The following MYO9B variants were observed in gnomAD, a reference collection of about 807,000 sequenced individuals.
The protein encoded by MYO9B is myosin IXB, also known as unconventional myosin-IXb.
A neutral mutation model predicts 229.5 loss-of-function variants in MYO9B; 71 were observed. The ratio of observed to expected loss-of-function variants is 0.31; its 90% confidence interval spans 0.26 to 0.38. The LOEUF (loss-of-function observed/expected upper bound fraction) is 0.38, where lower values mean the gene tolerates loss of function less well. MYO9B is among the 10% of genes least tolerant of loss of function. MYO9B has a pLI of 1.00. For synonymous variants in MYO9B, 1,185 were observed against 1,235.8 expected, an observed-to-expected ratio of 0.96 and a Z score of 0.86; for missense variants, 2,255 against 2,920.5, an observed-to-expected ratio of 0.77 and a Z score of 5.25.
At position 17,090,118 on chromosome 19, in the gene MYO9B, C is replaced by CTTTTTTTTTTTTTTT. The variant is rs59440394; in HGVS notation, c.-58-11513_-58-11499dup. On this transcript the variant is annotated intron_variant, in intron 1 of 39. Transcript: ENST00000682292. ...TATAGCATGAATCGGTGCTTCCTTC[C>CTTTTTTTTTTTTTTT]TTTTTTTTTTTTTTTTTTTTTTTTT... Among the ~76,000 whole-genome samples the CTTTTTTTTTTTTTTT allele has an allele frequency of 1.4e-4, 7 of 49,236 alleles. 1 individual carries two copies. The East Asian group carries it at 1.9e-3, about 13-fold the overall frequency. The allele number at this position is 49,236 out of a possible 152,430, so 32.3% of individuals were successfully genotyped here.
At chr19:17,141,725 A>G (rs1474091022) in intron 2 of MYO9B, among the ~76,000 whole-genome samples, 1 of 152,210 alleles carries the variant, frequency 6.6e-6, no homozygotes, top group African/African-American at 2.4e-5. Flanking sequence ...GGGGCACCCC[A>G]GGAATCTGGA....
intron 33 of MYO9B, 72 bp downstream of exon 33, chr19:17,206,448 A>G: frequency 1.3e-6 from 2 of 1,556,472 alleles, no homozygotes; most frequent in Non-Finnish European, 1.7e-6. Context: ...TGACCAGCCC[A>G]GGAGGCAGGA....
At chr19:17,144,831 G>C (rs1346070613) in intron 2 of MYO9B, among the ~76,000 whole-genome samples, 1 of 151,740 alleles carries the variant, frequency 6.6e-6, no homozygotes, top group Admixed American at 6.6e-5. Context: ...TTGGCCAGGC[G>C]TGGCAGCGTG....
intron 26 of MYO9B, 72 bp downstream of exon 26, chr19:17,200,901 T>C: frequency 3.3e-6 from 5 of 1,511,490 alleles, no homozygotes; most frequent in Non-Finnish European, 4.5e-6. Flanking sequence ...CAGGCATTGT[T>C]TTCTGAAACA....
intron 1 of MYO9B, among the ~76,000 whole-genome samples, chr19:17,094,924 C>T (rs1349432532): frequency 6.6e-6 from 1 of 151,918 alleles, no homozygotes; most frequent in African/African-American, 2.4e-5. Flanking sequence ...GCCTGGGCAA[C>T]AGAATGAGAT....
At chr19:17,162,204 C>G (rs1282335332) in intron 8 of MYO9B, 146 bp from the exon 9 acceptor site, 2 of 624,442 alleles carry the variant, frequency 3.2e-6, no homozygotes, top group East Asian at 6.0e-5. Context: ...ACTTGGGAGG[C>G]TGAGACAGGA....
At chr19:17,198,371 C>T in intron 24 of MYO9B, 63 bp downstream of exon 24, 4 of 1,599,278 alleles carry the variant, frequency 2.5e-6, no homozygotes, top group Non-Finnish European at 3.4e-6. Flanking sequence ...CTGCCAGGGC[C>T]TCGCAGCAGT....
At chr19:17,196,480 C>T (rs748306532) in intron 22 of MYO9B, among the ~76,000 whole-genome samples, 6 of 151,878 alleles carry the variant, frequency 4.0e-5, no homozygotes, top group East Asian at 1.9e-4. Context: ...GAGAGGAGTT[C>T]GAGACCAGCC....
chr19:17,167,471 CTAT>C (rs2072671995), intron 10 of MYO9B, among the ~76,000 whole-genome samples: 1 of 132,552 alleles, frequency 7.5e-6, no homozygotes, highest in Non-Finnish European at 1.5e-5. Flanking sequence ...ATTATTAGAG[CTAT>C]TTTTTTTTTT....
intron 3 of MYO9B, among the ~76,000 whole-genome samples, chr19:17,148,166 G>A (rs1208228104): frequency 6.6e-6 from 1 of 152,094 alleles, no homozygotes; most frequent in Non-Finnish European, 1.5e-5. Context: ...AAGCATTCAG[G>A]GTACCTTGTT....
rs560703688 is a variant in MYO9B at position 17,159,175 on chromosome 19, T to C, written c.1330-220T>C. 1.2e-4 allele frequency among the ~76,000 whole-genome samples: 16 copies of C among 136,430 alleles called. No homozygotes were observed. In the East Asian group the frequency reaches 3.2e-3, roughly 27 times the overall value. 89.5% of individuals were successfully genotyped at this position (136,430 alleles called of 152,430 possible). ...TGCCACTGCACTCTAGCCTGGGTGA[T>C]AGAGTGAGACTCTGTCTCAAACAAA... On this transcript the variant is annotated intron_variant, in intron 7 of 39. Coordinates refer to ENST00000682292, the MANE Select transcript of MYO9B (RefSeq NM_004145.4).
chr19:17,211,306 C>G (rs1041196611), intron 38 of MYO9B, among the ~76,000 whole-genome samples: 25 of 152,178 alleles, frequency 1.6e-4, no homozygotes, highest in African/African-American at 5.8e-4. Flanking sequence ...GGGTCTTTCT[C>G]TGTCACCCAG....
chr19:17,154,238 C>T, intron 5 of MYO9B, 77 bp from the exon 6 acceptor site: 8 of 1,455,172 alleles, frequency 5.5e-6, no homozygotes, highest in Non-Finnish European at 7.7e-6. Context: ...GCCCCACCAG[C>T]TCCAGCCAAA....
intron 26 of MYO9B, among the ~76,000 whole-genome samples, chr19:17,201,290 C>T (rs1272112964): frequency 6.7e-6 from 1 of 150,192 alleles, no homozygotes; most frequent in African/African-American, 2.5e-5. Flanking sequence ...GCACTGTGTG[C>T]AACAGAAGTG....
intron 18 of MYO9B, among the ~76,000 whole-genome samples, chr19:17,187,261 A>G (rs1383457625): frequency 6.6e-6 from 1 of 152,158 alleles, no homozygotes; most frequent in Non-Finnish European, 1.5e-5. Context: ...ACAGCCCAGC[A>G]TCTCCTCTCT....
In MYO9B at chr19:17,154,651, A is replaced by T. The variant is rs191196104; in HGVS notation, c.1199+236A>T. On this transcript the variant is annotated intron_variant, in intron 6 of 39. Coordinates refer to ENST00000682292, the MANE Select transcript of MYO9B (RefSeq NM_004145.4). ...AACGTGAACATACTTAACACTGCTG[A>T]ATTGTACCCTTAAAAATGGTTTAGC... Among the ~76,000 whole-genome samples, 47 of 152,288 alleles carry T rather than the reference A, an allele frequency of 3.1e-4. No homozygotes were observed. In the East Asian group the frequency reaches 5.4e-3, roughly 17 times the overall value.
chr19:17,152,407 A>T (rs1044188470), intron 3 of MYO9B, among the ~76,000 whole-genome samples: 1 of 151,518 alleles, frequency 6.6e-6, no homozygotes, highest in Non-Finnish European at 1.5e-5. Flanking sequence ...AAATACAAAA[A>T]TTAGCTGGGT....
chr19:17,091,202 A>G (rs1212245462), intron 1 of MYO9B, among the ~76,000 whole-genome samples: 1 of 152,076 alleles, frequency 6.6e-6, no homozygotes, highest in Non-Finnish European at 1.5e-5. Flanking sequence ...AGTTGCTTCC[A>G]TGTTTGGAAG....
At chr19:17,184,029 G>T (rs1419904007) in intron 16 of MYO9B, 161 bp downstream of exon 16, 10 of 737,612 alleles carry the variant, frequency 1.4e-5, no homozygotes, top group South Asian at 3.8e-5. Context: ...ATGATTTAGA[G>T]CTGTCTCTTT....
Sources: allele counts gnomAD v4.1 joint callset (sites outside exome capture counted in the v4.1 genomes callset), GRCh38; gene constraint gnomAD v4.1.1; transcripts MANE v1.5; gene names NCBI Gene and HGNC (gene_info 2026-07-23, HGNC 2026-07-21).